RAPGEF4: variants seen among roughly 807,000 people sequenced by gnomAD.
The protein encoded by RAPGEF4 is Rap guanine nucleotide exchange factor 4.
A neutral mutation model predicts 147.9 loss-of-function variants in RAPGEF4; 66 were observed. That is an observed-to-expected ratio of 0.45 (90% CI 0.37 to 0.55). The LOEUF (loss-of-function observed/expected upper bound fraction) is 0.55. Ranked by LOEUF, RAPGEF4 falls within the 20% of genes least tolerant of loss-of-function variation. RAPGEF4 has a pLI of 0.00. For synonymous variants in RAPGEF4, 419 were observed against 442.7 expected, an observed-to-expected ratio of 0.95 and a Z score of 0.67; for missense variants, 1,071 against 1,257.3, an observed-to-expected ratio of 0.85 and a Z score of 2.24.
intron 1 of RAPGEF4, among the ~76,000 whole-genome samples, chr2:172,757,222 C>G (rs1308039819): frequency 6.6e-6 from 1 of 152,306 alleles, no homozygotes; most frequent in African/African-American, 2.4e-5. Context: ...ACAAGTTTAT[C>G]CCAATTAATC....
intron 3 of RAPGEF4, among the ~76,000 whole-genome samples, chr2:172,805,775 T>C (rs539755854): frequency 8.5e-5 from 13 of 152,180 alleles, no homozygotes; most frequent in Admixed American, 2.6e-4. Flanking sequence ...CTGCTGTACT[T>C]GTCTGCACAA....
intron 1 of RAPGEF4, among the ~76,000 whole-genome samples, chr2:172,782,623 CT>C (rs1447303765): frequency 1.3e-5 from 2 of 152,132 alleles, no homozygotes; most frequent in African/African-American, 4.8e-5. Context: ...TTTTGAGAGC[CT>C]TTGCTTACTA....
chr2:173,026,583 A>G lies in RAPGEF4; in HGVS notation c.2265A>G (p.Pro755=), dbSNP rs1373532780. Residue 755 remains proline, a synonymous_variant, in exon 24 of 31, where the codon CCA becomes CCG. Transcript: ENST00000397081. ...REQFDSLTPL[P]EQEGPTVGTV... is the part of the protein sequence containing the mutation. ...ATTATTATTCATAGACTCCCTTACC[A>G]GAACAGGAAGGCCCAACTGTTGGAA... is the stretch of plus-strand genomic sequence containing the variant. 3 of 1,613,602 alleles carry G rather than the reference A, an allele frequency of 1.9e-6. No homozygotes were observed. The highest frequency in any genetic ancestry group is 2.5e-6 in the Non-Finnish European group (3 of 1,179,764).
At position 173,048,650 on chromosome 2, in the gene RAPGEF4, C is replaced by A; in HGVS notation, c.2904C>A (p.Pro968=). 6.2e-7 allele frequency: 1 copy of A among 1,614,090 alleles called. No homozygotes were observed. The highest frequency in any genetic ancestry group is 8.5e-7 in the Non-Finnish European group (1 of 1,180,014). ...CAGTGAGATACTACAGGAGCCAACC[C>A]TTCAGTAAGTTAAGTGCTGCCACCT... is the stretch of plus-strand genomic sequence containing the variant. ...ARTVRYYRSQ[P]FNPDAAQANK... Residue 968 remains proline (P), a synonymous_variant, in exon 30 of 31, where the codon CCC becomes CCA. Coordinates refer to ENST00000397081, the MANE Select transcript of RAPGEF4 (RefSeq NM_007023.4).
At chr2:172,893,150 G>C (rs972253205) in intron 4 of RAPGEF4, among the ~76,000 whole-genome samples, 1 of 152,198 alleles carries the variant, frequency 6.6e-6, no homozygotes, top group Admixed American at 6.5e-5. Context: ...TCTCCCCAGA[G>C]TACAACGAAG....
At chr2:172,739,340 T>A (rs1284562204) in intron 1 of RAPGEF4, among the ~76,000 whole-genome samples, 1 of 151,784 alleles carries the variant, frequency 6.6e-6, no homozygotes, top group African/African-American at 2.4e-5. Context: ...TTTTTTTTTT[T>A]AAGTGTGCTG....
At chr2:172,962,931 A>T (rs1689446921) in intron 8 of RAPGEF4, among the ~76,000 whole-genome samples, 1 of 152,116 alleles carries the variant, frequency 6.6e-6, no homozygotes, top group African/African-American at 2.4e-5. Flanking sequence ...ACTATCTGAG[A>T]CTGGGTAATT....
At chr2:172,806,886 T>C (rs1687546626) in intron 3 of RAPGEF4, among the ~76,000 whole-genome samples, 2 of 152,256 alleles carry the variant, frequency 1.3e-5, no homozygotes, top group African/African-American at 4.8e-5. Context: ...TTTTAAGCAT[T>C]GCATTTTTGT....
At chr2:173,002,655 G>T (rs1694048254) in intron 17 of RAPGEF4, among the ~76,000 whole-genome samples, 1 of 143,670 alleles carries the variant, frequency 7.0e-6, no homozygotes. Flanking sequence ...AGTGAATGTT[G>T]GCATGTTTTC....
rs181280596 is a variant in RAPGEF4, at chr2:172,832,607, G to T, written c.444+18182G>T. Among the ~76,000 whole-genome samples the T allele has an allele frequency of 7.2e-5, 11 of 152,256 alleles. No individual in the cohort carries two copies. The East Asian group carries it at 2.1e-3, about 29-fold the overall frequency. ...AGACCATTTAACTTACATGCAGAATGACCCAAACTACATAATTTGAACTTC... is the reference window on the plus strand; with the variant it reads ...AGACCATTTAACTTACATGCAGAATTACCCAAACTACATAATTTGAACTTC... On this transcript the variant is annotated intron_variant, in intron 4 of 30. Transcript: ENST00000397081.
chr2:172,985,751 C>T (rs1467367781), intron 12 of RAPGEF4, among the ~76,000 whole-genome samples: 1 of 152,218 alleles, frequency 6.6e-6, no homozygotes, highest in Non-Finnish European at 1.5e-5. Context: ...TCCCTACCCT[C>T]CTGACTCACC....
At chr2:173,048,813 T>C (rs1685826533) in intron 30 of RAPGEF4, among the ~76,000 whole-genome samples, 159 bp downstream of exon 30, 1 of 152,048 alleles carries the variant, frequency 6.6e-6, no homozygotes, top group Non-Finnish European at 1.5e-5. Flanking sequence ...AGTTTAAAGA[T>C]TTTTTTTGCT....
chr2:172,842,156 C>G (rs1691685233), intron 4 of RAPGEF4, among the ~76,000 whole-genome samples: 1 of 152,084 alleles, frequency 6.6e-6, no homozygotes, highest in African/African-American at 2.4e-5. Context: ...TCTTTTCTCT[C>G]AAGGAGATTT....
chr2:172,921,953 G>A (rs1390994318), intron 5 of RAPGEF4, among the ~76,000 whole-genome samples: 3 of 152,202 alleles, frequency 2.0e-5, no homozygotes, highest in Non-Finnish European at 2.9e-5. Context: ...CGAGTGTTCT[G>A]GTGCCTAAAT....
chr2:172,848,553 T>C (rs1246584662), intron 4 of RAPGEF4, among the ~76,000 whole-genome samples: 2 of 152,074 alleles, frequency 1.3e-5, no homozygotes, highest in African/African-American at 4.8e-5. Context: ...AACACTGGGG[T>C]GGAGTCAGGG....
In RAPGEF4 at chr2:172,769,307, G is replaced by C. The variant is rs2149484873; in HGVS notation, c.66-25718G>C. Among the ~76,000 whole-genome samples, 2 of 152,248 alleles carry C rather than the reference G, an allele frequency of 1.3e-5. 1 individual carries two copies. Among genetic ancestry groups the C allele is most frequent in the African/African-American group, 4.8e-5 (2 of 41,528 alleles). ...AGGAAGGCCAGATGGTTGAAGCTTA[G>C]ACACCCTCTTCATAGGGGAGAGGCA... On this transcript the variant is annotated intron_variant, in intron 1 of 30. Coordinates refer to ENST00000397081, the MANE Select transcript of RAPGEF4 (RefSeq NM_007023.4).
At position 173,018,681 on chromosome 2, in the gene RAPGEF4, C is replaced by T; in HGVS notation, c.2034C>T (p.Asp678=). 6.2e-7 allele frequency: 1 copy of T among 1,614,046 alleles called. No homozygotes were observed. Among genetic ancestry groups the T allele is most frequent in the South Asian group, 1.1e-5 (1 of 91,070 alleles). Residue 678 remains aspartate, a synonymous_variant, in exon 22 of 31, where the codon GAC becomes GAT. Transcript: ENST00000397081. ...DEVLFKVYCM[D]HTYTTIRVPV... is the part of the protein sequence containing the mutation. ...TTCTGTTTAAGGTCTATTGCATGGA[C>T]CACACCTACACAACCATTCGGGTGC...
intron 9 of RAPGEF4, among the ~76,000 whole-genome samples, chr2:172,966,194 C>T (rs1689824663): frequency 6.6e-6 from 1 of 152,220 alleles, no homozygotes; most frequent in South Asian, 2.1e-4. Context: ...TTGATAACTG[C>T]AGGGGCTGTA....
chr2:172,918,371 C>CCACACACACA (rs377074360), intron 5 of RAPGEF4, among the ~76,000 whole-genome samples: 15,645 of 137,498 alleles, frequency 0.11, 1,425 homozygotes, highest in East Asian at 0.3. Context: ...GATGCTCTTA[C>CCACACACACA]CACACACACA....
Sources: gnomAD v4.1 joint callset for allele counts (sites outside exome capture counted in the v4.1 genomes callset) on GRCh38, gnomAD v4.1.1 for gene constraint, MANE v1.5 for transcripts, NCBI Gene and HGNC (gene_info 2026-07-23, HGNC 2026-07-21) for gene names.